Variants in CFAP299 observed in about 807,000 individuals in gnomAD.
The protein encoded by CFAP299 is cilia- and flagella-associated protein 299.
Under a neutral mutation model 27.0 loss-of-function variants are expected in CFAP299, and 21 were observed. That is an observed-to-expected ratio of 0.78 (90% CI 0.55 to 1.12). The LOEUF is 1.12. CFAP299 is among the 50% of genes most tolerant of loss of function. CFAP299 has a pLI of 0.00. For synonymous variants in CFAP299, 104 were observed against 98.1 expected (o/e 1.06, Z -0.36); for missense variants, 310 against 276.6 (o/e 1.12, Z -0.86).
rs58533748 is a variant in CFAP299, at chr4:80,854,810, G to GAAAA, written c.334-15159_334-15156dup. ...TCTAGCCAAACTCAGCTGTTGCTAT[G>GAAAA]AAAAAAAAAAAAAAAAAAAAAAAAA... On this transcript the variant is annotated intron_variant, in intron 3 of 5. Coordinates refer to ENST00000358105, the MANE Select transcript of CFAP299 (RefSeq NM_152770.3). Among the ~76,000 whole-genome samples, 9 of 43,354 alleles carry GAAAA rather than the reference G, an allele frequency of 2.1e-4. 1 individual carries two copies. Among genetic ancestry groups the GAAAA allele is most frequent in the South Asian group, 1.0e-3 (1 of 980 alleles). The allele number at this position is 43,354 out of a possible 152,430, so 28.4% of individuals were successfully genotyped here. A position where few individuals can be genotyped will look rare whatever the true frequency, so the allele number is the denominator to read the frequency against.
intron 3 of CFAP299, among the ~76,000 whole-genome samples, chr4:80,754,660 C>T (rs73829117): frequency 0.056 from 8,499 of 151,856 alleles, 764 homozygotes; most frequent in African/African-American, 0.19. Flanking sequence ...AGCTTGAGAA[C>T]GAGTATAAAT....
intron 2 of CFAP299, among the ~76,000 whole-genome samples, chr4:80,419,852 C>A (rs185835079): frequency 1.3e-5 from 2 of 152,098 alleles, no homozygotes; most frequent in Non-Finnish European, 2.9e-5. Flanking sequence ...TTTCCACAAC[C>A]TTTTCTTAGG....
intron 2 of CFAP299, among the ~76,000 whole-genome samples, chr4:80,464,126 T>C (rs1729595542): frequency 6.6e-6 from 1 of 152,174 alleles, no homozygotes. Context: ...AGAACTTCTA[T>C]GCCAAGTTTA....
intron 3 of CFAP299, among the ~76,000 whole-genome samples, chr4:80,804,294 C>A (rs1187177443): frequency 2.0e-5 from 3 of 152,112 alleles, no homozygotes; most frequent in Non-Finnish European, 2.9e-5. Flanking sequence ...TTCCCATTAT[C>A]CCCTGGAAAC....
At chr4:80,379,817 A>G (rs1041720153) in intron 2 of CFAP299, among the ~76,000 whole-genome samples, 6 of 152,022 alleles carry the variant, frequency 3.9e-5, no homozygotes, top group Non-Finnish European at 5.9e-5. Context: ...ATCTCCCAGT[A>G]TATGGTCTAT....
At chr4:80,447,617 G>A (rs1327410085) in intron 2 of CFAP299, among the ~76,000 whole-genome samples, 1 of 151,672 alleles carries the variant, frequency 6.6e-6, no homozygotes, top group Non-Finnish European at 1.5e-5. Flanking sequence ...ACCATGCCCT[G>A]CTAATTTTTA....
chr4:80,419,893 G>A (rs1727210067), intron 2 of CFAP299, among the ~76,000 whole-genome samples: 1 of 152,124 alleles, frequency 6.6e-6, no homozygotes, highest in Non-Finnish European at 1.5e-5. Context: ...TTTGCCCTCT[G>A]AAAGTTTGCT....
intron 3 of CFAP299, among the ~76,000 whole-genome samples, chr4:80,592,414 C>A (rs1461353184): frequency 6.6e-6 from 1 of 152,252 alleles, no homozygotes; most frequent in East Asian, 1.9e-4. Context: ...GGCTGCCTAA[C>A]CTTAACAAGT....
At chr4:80,337,458 C>T (rs1040790101) in intron 1 of CFAP299, among the ~76,000 whole-genome samples, 2 of 150,896 alleles carry the variant, frequency 1.3e-5, no homozygotes, top group African/African-American at 2.4e-5. Flanking sequence ...AGTGCAGTGG[C>T]CCCATCTCGG....
At chr4:80,624,404 G>T (rs1454904722) in intron 3 of CFAP299, among the ~76,000 whole-genome samples, 1 of 151,682 alleles carries the variant, frequency 6.6e-6, no homozygotes, top group Non-Finnish European at 1.5e-5. Context: ...AAGAAGAAAG[G>T]ATCTGTGAAA....
At chr4:80,604,787 A>C (rs973203728) in intron 3 of CFAP299, among the ~76,000 whole-genome samples, 2 of 152,102 alleles carry the variant, frequency 1.3e-5, no homozygotes, top group Admixed American at 6.6e-5. Flanking sequence ...AACGAAGTAT[A>C]AATTTTACAA....
At chr4:80,878,176 T>G (rs1397344339) in intron 4 of CFAP299, among the ~76,000 whole-genome samples, 1 of 152,150 alleles carries the variant, frequency 6.6e-6, no homozygotes, top group African/African-American at 2.4e-5. Flanking sequence ...ACTGTCCTTT[T>G]CTTTAAAAGA....
At chr4:80,646,976 A>G (rs1740041491) in intron 3 of CFAP299, among the ~76,000 whole-genome samples, 1 of 63,634 alleles carries the variant, frequency 1.6e-5, no homozygotes, top group Non-Finnish European at 4.6e-5. Context: ...TTTGAGAGAG[A>G]GAGAGAGAGA....
chr4:80,328,286 G>A, the CFAP299 span, among the ~76,000 whole-genome samples: 1 of 152,186 alleles, frequency 6.6e-6, no homozygotes, highest in Non-Finnish European at 1.5e-5. Flanking sequence ...ATTCTAGAAT[G>A]TGCTTGTATG....
upstream of CFAP299, among the ~76,000 whole-genome samples, chr4:80,334,786 A>T (rs1435196220): frequency 7.2e-5 from 11 of 152,208 alleles, no homozygotes; most frequent in Non-Finnish European, 1.5e-5. Flanking sequence ...TTTTAAGATG[A>T]ACTTTTTAAA....
chr4:80,756,836 A>C (rs995765211), intron 3 of CFAP299, among the ~76,000 whole-genome samples: 5 of 152,298 alleles, frequency 3.3e-5, no homozygotes, highest in African/African-American at 1.2e-4. Flanking sequence ...TCAAGATTAG[A>C]AATATTTTAA....
intron 5 of CFAP299, among the ~76,000 whole-genome samples, chr4:80,960,051 A>G (rs1738268433): frequency 1.3e-5 from 2 of 151,826 alleles, no homozygotes; most frequent in African/African-American, 4.8e-5. Context: ...TATAAAGCAC[A>G]GAAAATTATT....
At position 80,573,685 on chromosome 4, in the gene CFAP299, A is replaced by T. The variant is rs180717945; in HGVS notation, c.243-9408A>T. On this transcript the variant is annotated intron_variant, in intron 2 of 5. Transcript: ENST00000358105. ...TAGTTTCATTCTTCTGTATATGGATATTCAGTATTTCTGGCACCATTTATT... is the reference window on the plus strand; with the variant it reads ...TAGTTTCATTCTTCTGTATATGGATTTTCAGTATTTCTGGCACCATTTATT... 5.1e-3 allele frequency among the ~76,000 whole-genome samples: 781 copies of T among 152,218 alleles called. 8 individuals carry two copies. Among genetic ancestry groups the T allele is most frequent in the Non-Finnish European group, 6.4e-3 (438 of 68,000 alleles).
chr4:80,745,526 T>G (rs1724533923), intron 3 of CFAP299, among the ~76,000 whole-genome samples: 1 of 152,062 alleles, frequency 6.6e-6, no homozygotes, highest in Non-Finnish European at 1.5e-5. Flanking sequence ...TTCAGAGTAG[T>G]TTTTTTATAT....
Sources: gnomAD v4.1 joint callset for allele counts (sites outside exome capture counted in the v4.1 genomes callset) on GRCh38, gnomAD v4.1.1 for gene constraint, MANE v1.5 for transcripts, NCBI Gene and HGNC (gene_info 2026-07-23, HGNC 2026-07-21) for gene names.